Variants in ST6GALNAC3 observed in about 807,000 individuals in gnomAD.
ST6GALNAC3 encodes the protein alpha-N-acetylgalactosaminide alpha-2,6-sialyltransferase 3.
Under a neutral mutation model 32.7 loss-of-function variants are expected in ST6GALNAC3, and 25 were observed. The ratio of observed to expected loss-of-function variants is 0.76; its 90% confidence interval spans 0.56 to 1.07. The LOEUF (loss-of-function observed/expected upper bound fraction) is 1.07, where lower values mean the gene tolerates loss of function less well. Ranked by LOEUF, ST6GALNAC3 falls within the 50% of genes least tolerant of loss-of-function variation. The pLI is 0.00. For synonymous variants in ST6GALNAC3, 129 were observed against 133.1 expected (o/e 0.97, Z 0.21); for missense variants, 355 against 382.4 (o/e 0.93, Z 0.60).
chr1:76,137,468 G>A (rs1650015795), intron 1 of ST6GALNAC3, among the ~76,000 whole-genome samples: 1 of 152,190 alleles, frequency 6.6e-6, no homozygotes, highest in Non-Finnish European at 1.5e-5. Flanking sequence ...TGGTGGTCAA[G>A]AAGCACAGAA....
intron 3 of ST6GALNAC3, among the ~76,000 whole-genome samples, chr1:76,587,873 A>G (rs1167246021): frequency 6.6e-6 from 1 of 152,128 alleles, no homozygotes; most frequent in South Asian, 2.1e-4. Flanking sequence ...AGGTCCTGCT[A>G]CTGGCTGTGG....
chr1:76,095,329 AT>A (rs1209601153), intron 1 of ST6GALNAC3, among the ~76,000 whole-genome samples: 1 of 152,102 alleles, frequency 6.6e-6, no homozygotes, highest in African/African-American at 2.4e-5. Flanking sequence ...AAGCAATTTT[AT>A]TTACAATTTG....
chr1:76,095,766 G>A (rs2100760627), intron 1 of ST6GALNAC3, among the ~76,000 whole-genome samples: 1 of 152,100 alleles, frequency 6.6e-6, no homozygotes, highest in South Asian at 2.1e-4. Flanking sequence ...GTGTGGGAGG[G>A]GTTTATACAC....
At chr1:76,144,791 A>G (rs767635103) in intron 1 of ST6GALNAC3, among the ~76,000 whole-genome samples, 11 of 152,314 alleles carry the variant, frequency 7.2e-5, no homozygotes, top group East Asian at 3.9e-4. Flanking sequence ...GATAGCTTCT[A>G]TGAATTTCTC....
At chr1:76,624,303 G>A (rs1452991368) in intron 3 of ST6GALNAC3, among the ~76,000 whole-genome samples, 1 of 151,872 alleles carries the variant, frequency 6.6e-6, no homozygotes, top group East Asian at 1.9e-4. Context: ...TGGTAAGATG[G>A]CAAGATCCTT....
At chr1:76,628,056 T>C (rs1649085498) in intron 4 of ST6GALNAC3, among the ~76,000 whole-genome samples, 1 of 151,938 alleles carries the variant, frequency 6.6e-6, no homozygotes, top group Admixed American at 6.6e-5. Context: ...AATGAGTGTG[T>C]TTACCCACAG....
chr1:76,300,224 A>AT (rs1660649455), intron 1 of ST6GALNAC3, among the ~76,000 whole-genome samples: 1 of 152,036 alleles, frequency 6.6e-6, no homozygotes, highest in Admixed American at 6.6e-5. Context: ...TGCCCAATTG[A>AT]AAGATCAGAA....
chr1:76,599,822 G>C (rs568145386), intron 3 of ST6GALNAC3, among the ~76,000 whole-genome samples: 1 of 150,990 alleles, frequency 6.6e-6, no homozygotes, highest in East Asian at 2.0e-4. Context: ...TTATTGTTTT[G>C]GGTGATGCAT....
chr1:76,274,243 T>C (rs1410665485), intron 1 of ST6GALNAC3, among the ~76,000 whole-genome samples: 2 of 152,230 alleles, frequency 1.3e-5, no homozygotes, highest in Non-Finnish European at 2.9e-5. Context: ...TTATGTCCTA[T>C]TAGTCTCTGA....
In ST6GALNAC3 at chr1:76,356,968, G is replaced by A. The variant is rs945979177; in HGVS notation, c.213+42969G>A. Among the ~76,000 whole-genome samples, 6 of 151,982 alleles carry A rather than the reference G, an allele frequency of 3.9e-5. No individual in the cohort carries two copies. In the East Asian group the frequency reaches 5.8e-4, roughly 15 times the overall value. ...GTCCACAATAGGTAACCCAAGGTAC[G>A]CAAGAAGAAATTCCAGGGGCCACAG... On this transcript the variant is annotated intron_variant, in intron 2 of 4. Coordinates refer to ENST00000328299, the MANE Select transcript of ST6GALNAC3 (RefSeq NM_152996.4).
rs939219006 is a variant in ST6GALNAC3 at position 76,576,866 on chromosome 1, T to C, written c.624-50586T>C. 7.7e-6 allele frequency: 10 copies of C among 1,304,774 alleles called. No individual in the cohort carries two copies. In the East Asian group the frequency reaches 3.9e-4, roughly 51 times the overall value. 80.8% of individuals were successfully genotyped at this position (1,304,774 alleles called of 1,614,324 possible). Reference sequence around the variant, plus strand: ...TCCAGTACAGAGTGACCATGCAGTGTTGATTGATCGAACAGCAACCACCAC... The same window carrying C: ...TCCAGTACAGAGTGACCATGCAGTGCTGATTGATCGAACAGCAACCACCAC... On this transcript the variant is annotated intron_variant, in intron 3 of 4. Transcript: ENST00000328299.
intron 3 of ST6GALNAC3, among the ~76,000 whole-genome samples, chr1:76,538,354 T>C (rs944274176): frequency 2.0e-5 from 3 of 152,162 alleles, no homozygotes; most frequent in African/African-American, 7.2e-5. Flanking sequence ...AAACTAGGTA[T>C]TGATGGAACA....
At chr1:76,377,651 T>C (rs902063550) in intron 2 of ST6GALNAC3, among the ~76,000 whole-genome samples, 2 of 152,188 alleles carry the variant, frequency 1.3e-5, no homozygotes, top group Admixed American at 6.5e-5. Flanking sequence ...AGCCAAACTA[T>C]ATCATTGAGT....
intron 2 of ST6GALNAC3, among the ~76,000 whole-genome samples, chr1:76,355,107 T>C (rs1221840103): frequency 6.6e-6 from 1 of 152,154 alleles, no homozygotes; most frequent in Non-Finnish European, 1.5e-5. Context: ...CTGAAAATGA[T>C]TTGGGATGAA....
chr1:76,498,859 G>A (rs1661012222), intron 3 of ST6GALNAC3, among the ~76,000 whole-genome samples: 1 of 151,930 alleles, frequency 6.6e-6, no homozygotes, highest in African/African-American at 2.4e-5. Flanking sequence ...TTCTGAGTTG[G>A]CCTTAAATTA....
At chr1:76,398,159 C>CA (rs66555658) in intron 2 of ST6GALNAC3, among the ~76,000 whole-genome samples, 32 of 151,132 alleles carry the variant, frequency 2.1e-4, no homozygotes, top group East Asian at 1.4e-3. Flanking sequence ...TGATTTCCTA[C>CA]AAAAAAAAAG....
At chr1:76,411,987 C>T (rs1260502849) in intron 2 of ST6GALNAC3, 21 bp from the exon 3 acceptor site, 2 of 1,601,014 alleles carry the variant, frequency 1.2e-6, no homozygotes, top group Middle Eastern at 1.7e-4. Context: ...AATTTACATG[C>T]CTTCTTTCTC....
In ST6GALNAC3 at chr1:76,172,600, C is replaced by T. The variant is rs886193497; in HGVS notation, c.18+97716C>T. 1.6e-4 allele frequency among the ~76,000 whole-genome samples: 11 copies of T among 70,650 alleles called. 1 individual carries two copies. Among genetic ancestry groups the T allele is most frequent in the South Asian group, 1.4e-3 (2 of 1,438 alleles). The allele number at this position is 70,650 out of a possible 152,430, so 46.3% of individuals were successfully genotyped here. On this transcript the variant is annotated intron_variant, in intron 1 of 4. Transcript: ENST00000328299. ...TATTTAAAAACCCCATCACCTCAGC[C>T]CAAAAACTTCTTGAACTGAAAAGCA... is the stretch of plus-strand genomic sequence containing the variant.
At chr1:76,319,538 C>T (rs1295032119) in intron 2 of ST6GALNAC3, among the ~76,000 whole-genome samples, 2 of 152,056 alleles carry the variant, frequency 1.3e-5, no homozygotes, top group African/African-American at 4.8e-5. Flanking sequence ...ACACTCCACA[C>T]ATTTAAATAA....
Sources: allele counts gnomAD v4.1 joint callset (sites outside exome capture counted in the v4.1 genomes callset), GRCh38; gene constraint gnomAD v4.1.1; transcripts MANE v1.5; gene names NCBI Gene and HGNC (gene_info 2026-07-23, HGNC 2026-07-21).